Variants in USP24 observed in about 807,000 individuals in gnomAD.
USP24 encodes ubiquitin specific peptidase 24, also known as ubiquitin carboxyl-terminal hydrolase 24.
Under a neutral mutation model 361.6 loss-of-function variants are expected in USP24, and 97 were observed. The observed-to-expected ratio is 0.27, with a 90% CI of 0.23 to 0.32. The LOEUF (loss-of-function observed/expected upper bound fraction) is 0.32. Among genes scored for constraint, USP24 ranks in the 10% least tolerant of loss-of-function variants. The pLI, the probability that USP24 is intolerant of heterozygous loss-of-function variation, is 1.00. For missense variants in USP24, 2,353 were observed against 3,165.6 expected (o/e 0.74, Z 6.16); for synonymous variants, 1,098 against 1,124.6 (o/e 0.98, Z 0.47).
chr1:55,111,018 C>T (rs1645933440), intron 38 of USP24, among the ~76,000 whole-genome samples: 1 of 151,992 alleles, frequency 6.6e-6, no homozygotes, highest in African/African-American at 2.4e-5. Context: ...AATAAAACTG[C>T]CAAACTCATT....
intron 1 of USP24, among the ~76,000 whole-genome samples, chr1:55,183,008 C>T (rs973807796): frequency 4.6e-5 from 7 of 152,224 alleles, no homozygotes; most frequent in South Asian, 2.1e-4. Flanking sequence ...TGTGAGCCAC[C>T]GTGCCTGGCC....
chr1:55,096,996 C>T lies in USP24; in HGVS notation c.5892G>A (p.Gly1964=). The change falls in exon 49 of 68, where the codon GGG becomes GGA. Residue 1964 remains glycine, a synonymous_variant. Coordinates refer to ENST00000294383, the MANE Select transcript of USP24 (RefSeq NM_015306.3). ...YELVGVIVHS[G]QAHAGHYYSF... ...AATAGTAGTGGCCTGCGTGTGCCTG[C>T]CCACTGTGTACGATGACACCGACAA... The T allele has an allele frequency of 6.2e-7, 1 of 1,613,874 alleles. No homozygotes were observed. Among genetic ancestry groups the T allele is most frequent in the Non-Finnish European group, 8.5e-7 (1 of 1,179,876 alleles).
At chr1:55,122,840 T>G (rs1437777969) in intron 36 of USP24, among the ~76,000 whole-genome samples, 1 of 152,164 alleles carries the variant, frequency 6.6e-6, no homozygotes, top group Admixed American at 6.5e-5. Flanking sequence ...ATGAGAAGTT[T>G]GGGATGTCTA....
chr1:55,071,968 C>G (rs1457615315), intron 66 of USP24, 44 bp from the exon 67 acceptor site: 2 of 1,526,884 alleles, frequency 1.3e-6, no homozygotes, highest in Admixed American at 1.9e-5. Context: ...AGGGCCCATT[C>G]AGTGGCAGCA....
At chr1:55,110,526 A>C (rs1380034740) in intron 38 of USP24, among the ~76,000 whole-genome samples, 1 of 152,190 alleles carries the variant, frequency 6.6e-6, no homozygotes, top group Non-Finnish European at 1.5e-5. Flanking sequence ...CACTCATTAC[A>C]TTCATTCATT....
chr1:55,094,173 G>A (rs1645442061), intron 51 of USP24, 86 bp from the exon 52 acceptor site: 8 of 1,358,818 alleles, frequency 5.9e-6, no homozygotes, highest in Admixed American at 5.0e-5. Flanking sequence ...TCACATAAAC[G>A]GGTATTAGAC....
chr1:55,170,078 G>A (rs949159422), intron 5 of USP24, among the ~76,000 whole-genome samples: 2 of 152,126 alleles, frequency 1.3e-5, no homozygotes, highest in African/African-American at 2.4e-5. Context: ...GGTTGGGAAG[G>A]GGAGCAGAGG....
Position 55,089,689 on chromosome 1 carries a change from A to G in USP24, c.6606T>C (p.Ser2202=). 1.2e-6 allele frequency: 2 copies of G among 1,605,272 alleles called. No individual in the cohort carries two copies. The highest frequency in any genetic ancestry group is 1.7e-6 in the Non-Finnish European group (2 of 1,175,322). The change falls in exon 55 of 68, where the codon AGT becomes AGC. Residue 2202 remains serine (S), a synonymous_variant. Coordinates refer to ENST00000294383, the MANE Select transcript of USP24 (RefSeq NM_015306.3). ...IATIEALLSK[S]FDACQWLVEY... ...CAACTAACCACTGACAAGCATCAAA[A>G]CTTTTTGAAAGCAATGCTTCAATGG...
chr1:55,212,796 C>T (rs1644879908), intron 1 of USP24, among the ~76,000 whole-genome samples: 1 of 152,174 alleles, frequency 6.6e-6, no homozygotes, highest in South Asian at 2.1e-4. Flanking sequence ...GGTGCAGCTT[C>T]CCTCCCCCAG....
chr1:55,189,395 G>C (rs530386355), intron 1 of USP24, among the ~76,000 whole-genome samples: 2 of 152,276 alleles, frequency 1.3e-5, no homozygotes, highest in Non-Finnish European at 2.9e-5. Flanking sequence ...TGAGTTGAAT[G>C]AATTTCCACA....
chr1:55,088,653 G>A (rs1645304500), intron 55 of USP24, among the ~76,000 whole-genome samples: 1 of 152,132 alleles, frequency 6.6e-6, no homozygotes, highest in Non-Finnish European at 1.5e-5. Flanking sequence ...TAAGGAGTGG[G>A]CACAGCTGAG....
intron 54 of USP24, among the ~76,000 whole-genome samples, chr1:55,090,213 A>C (rs911201749): frequency 7.2e-5 from 11 of 152,228 alleles, no homozygotes; most frequent in Admixed American, 3.9e-4. Context: ...GAAAAAAGGT[A>C]TAATGACTAT....
chr1:55,093,024 G>A, intron 52 of USP24, 108 bp from the exon 53 acceptor site: 1 of 668,960 alleles, frequency 1.5e-6, no homozygotes, highest in Non-Finnish European at 2.3e-6. Flanking sequence ...CTTATAAAAA[G>A]TGAATTATAA....
intron 1 of USP24, among the ~76,000 whole-genome samples, chr1:55,192,268 C>T (rs1436447981): frequency 6.6e-6 from 1 of 152,132 alleles, no homozygotes; most frequent in African/African-American, 2.4e-5. Context: ...GAAGTAAAAC[C>T]TACTGGGGAG....
intron 45 of USP24, among the ~76,000 whole-genome samples, chr1:55,098,876 G>A (rs6700246): frequency 0.017 from 2,614 of 152,156 alleles, 69 homozygotes; most frequent in African/African-American, 0.06. Flanking sequence ...CTTTTTTCTT[G>A]TGGATAGAAT....
At chr1:55,168,759 G>A (rs1649156994) in intron 5 of USP24, among the ~76,000 whole-genome samples, 1 of 152,108 alleles carries the variant, frequency 6.6e-6, no homozygotes, top group Non-Finnish European at 1.5e-5. Context: ...TGGCTTTACT[G>A]CTCAAATTCA....
chr1:55,174,049 T>C (rs903099806), intron 3 of USP24, among the ~76,000 whole-genome samples: 1 of 152,194 alleles, frequency 6.6e-6, no homozygotes, highest in Non-Finnish European at 1.5e-5. Flanking sequence ...AACATAACCA[T>C]GCACTATGGT....
In USP24 at chr1:55,208,328, G is replaced by A. The variant is rs577616525; in HGVS notation, c.324+6462C>T. Among the ~76,000 whole-genome samples the A allele has an allele frequency of 1.1e-4, 16 of 152,182 alleles. No homozygotes were observed. In the East Asian group the frequency reaches 2.7e-3, roughly 26 times the overall value. On this transcript the variant is annotated intron_variant, in intron 1 of 67. Transcript: ENST00000294383. ...GCCAAAACTCACCACAGAGATTATC[G>A]ACAGAAACAATAATGTTGGCCAGGT...
At chr1:55,077,116 C>G in intron 62 of USP24, 119 bp downstream of exon 62, 3 of 994,068 alleles carry the variant, frequency 3.0e-6, no homozygotes, top group South Asian at 5.0e-5. Context: ...GATTTGGTCT[C>G]AATAAATGCA....
Sources: allele counts gnomAD v4.1 joint callset (sites outside exome capture counted in the v4.1 genomes callset), GRCh38; gene constraint gnomAD v4.1.1; transcripts MANE v1.5; gene names NCBI Gene and HGNC (gene_info 2026-07-23, HGNC 2026-07-21).